ZNF385D: variants seen among roughly 807,000 people sequenced by gnomAD.
ZNF385D encodes the protein zinc finger protein 659.
In ZNF385D, 15 loss-of-function variants were observed where a neutral mutation model predicts 35.8. That is an observed-to-expected ratio of 0.42 (90% CI 0.28 to 0.64). ZNF385D has a LOEUF of 0.64. Ranked by LOEUF, ZNF385D falls within the 30% of genes least tolerant of loss-of-function variation. ZNF385D has a pLI of 0.23. For synonymous variants in ZNF385D, 212 were observed against 186.8 expected (o/e 1.13, Z -1.10); for missense variants, 474 against 494.6 (o/e 0.96, Z 0.39).
At chr3:21,721,736 A>G (rs1255012005) in intron 1 of ZNF385D, among the ~76,000 whole-genome samples, 1 of 152,204 alleles carries the variant, frequency 6.6e-6, no homozygotes, top group Admixed American at 6.5e-5. Context: ...TTTATTTTAT[A>G]AGGATCATCA....
chr3:21,706,885 G>A (rs537075426), intron 1 of ZNF385D, among the ~76,000 whole-genome samples: 1 of 152,236 alleles, frequency 6.6e-6, no homozygotes, highest in South Asian at 2.1e-4. Context: ...TCTAATCACA[G>A]AGACAAATCA....
At chr3:21,532,779 T>C (rs1488480745) in intron 3 of ZNF385D, among the ~76,000 whole-genome samples, 1 of 152,182 alleles carries the variant, frequency 6.6e-6, no homozygotes, top group African/African-American at 2.4e-5. Context: ...ATAGAGTTCA[T>C]TCAGCACTTA....
intron 5 of ZNF385D, among the ~76,000 whole-genome samples, chr3:21,435,439 AT>A (rs957172222): frequency 6.6e-6 from 1 of 151,390 alleles, no homozygotes; most frequent in African/African-American, 2.4e-5. Context: ...TTTTTTCATA[AT>A]TTTTTGTGGA....
chr3:22,132,914 GT>G (rs1379485339), intron 3 of ZNF385D, among the ~76,000 whole-genome samples: 2 of 152,152 alleles, frequency 1.3e-5, no homozygotes, highest in South Asian at 2.1e-4. Flanking sequence ...TGAGTATTCG[GT>G]TAACTTATGA....
rs376668381 is a variant in ZNF385D at position 21,421,271 on chromosome 3, C to G, written c.1131G>C (p.Arg377=). 2 of 1,614,082 alleles carry G rather than the reference C, an allele frequency of 1.2e-6. No individual in the cohort carries two copies. The highest frequency in any genetic ancestry group is 1.7e-6 in the Non-Finnish European group (2 of 1,180,014). The change falls in exon 8 of 8, where the codon CGG becomes CGC. Residue 377 remains arginine (R), a synonymous_variant. Transcript: ENST00000281523. ...CGGTCCGAATGGGTCCAGGAGCTGG[C>G]CGCAGGAGTGCCGGAGGAAGCGCGG... ...QTSALPPALL[R]PAPGPIRTAH...
chr3:21,723,182 CAA>C, intron 1 of ZNF385D, among the ~76,000 whole-genome samples: 1 of 152,262 alleles, frequency 6.6e-6, no homozygotes, highest in African/African-American at 2.4e-5. Flanking sequence ...GATAAATCCA[CAA>C]AGATAGGGAG....
intron 2 of ZNF385D, among the ~76,000 whole-genome samples, chr3:22,180,024 G>A (rs200949766): frequency 3.3e-5 from 5 of 152,030 alleles, no homozygotes; most frequent in Admixed American, 2.6e-4. Context: ...GATCAACAAA[G>A]TTGATAGACC....
At chr3:22,097,204 T>C (rs151050497) in intron 3 of ZNF385D, among the ~76,000 whole-genome samples, 1 of 152,240 alleles carries the variant, frequency 6.6e-6, no homozygotes, top group African/African-American at 2.4e-5. Context: ...TTGGCAAATA[T>C]GATTATTTTT....
chr3:21,652,254 C>G (rs1302392848), intron 2 of ZNF385D, among the ~76,000 whole-genome samples: 1 of 152,002 alleles, frequency 6.6e-6, no homozygotes, highest in Non-Finnish European at 1.5e-5. Flanking sequence ...ACCTTTCTAC[C>G]TGGATATTAT....
Position 21,868,881 on chromosome 3 carries a change from G to C in ZNF385D, c.326-203853C>G, listed in dbSNP as rs1575808164. Among the ~76,000 whole-genome samples, 2 of 151,976 alleles carry C rather than the reference G, an allele frequency of 1.3e-5. 1 individual carries two copies. The highest frequency in any genetic ancestry group is 4.1e-4 in the South Asian group (2 of 4,828). On this transcript the variant is annotated intron_variant, in intron 3 of 5. Transcript: ENST00000494108. ...TTATCCATCTGTTACATGGACACTC[G>C]AGGCAAATTGTGCCTTCCTGAATTA...
At chr3:21,954,456 C>T (rs1380745629) in intron 3 of ZNF385D, among the ~76,000 whole-genome samples, 1 of 151,974 alleles carries the variant, frequency 6.6e-6, no homozygotes, top group Non-Finnish European at 1.5e-5. Flanking sequence ...CTTAGTAACA[C>T]TTAGAATAAC....
chr3:22,158,907 T>G (rs1705767507), intron 3 of ZNF385D, among the ~76,000 whole-genome samples: 1 of 152,054 alleles, frequency 6.6e-6, no homozygotes, highest in Non-Finnish European at 1.5e-5. Context: ...CTCCATTACC[T>G]TGGGAAAATT....
intron 4 of ZNF385D, among the ~76,000 whole-genome samples, chr3:21,507,396 T>G (rs920368052): frequency 1.3e-5 from 2 of 152,180 alleles, no homozygotes; most frequent in Admixed American, 6.5e-5. Context: ...GATTTTTTAA[T>G]TAAAATGATT....
intron 3 of ZNF385D, among the ~76,000 whole-genome samples, chr3:21,769,623 G>C (rs1402645341): frequency 1.8e-5 from 2 of 109,936 alleles, no homozygotes; most frequent in African/African-American, 3.9e-5. Context: ...CATGCTCATG[G>C]ATAGGAAGAA....
At chr3:21,938,553 C>T (rs1162671199) in intron 3 of ZNF385D, among the ~76,000 whole-genome samples, 3 of 152,222 alleles carry the variant, frequency 2.0e-5, no homozygotes, top group Middle Eastern at 3.2e-3. Context: ...CCACTCCCTA[C>T]TGTCTCACAA....
At chr3:22,066,341 G>C (rs981044161) in intron 3 of ZNF385D, among the ~76,000 whole-genome samples, 2 of 130,064 alleles carry the variant, frequency 1.5e-5, no homozygotes, top group Non-Finnish European at 3.2e-5. Flanking sequence ...TTAGTAAAAA[G>C]ATACTGGGCG....
intron 1 of ZNF385D, among the ~76,000 whole-genome samples, chr3:21,744,966 G>A (rs150019470): frequency 2.6e-5 from 4 of 152,220 alleles, no homozygotes; most frequent in East Asian, 3.9e-4. Context: ...TAGGGAATGC[G>A]TGGAGGAAGT....
At chr3:22,251,982 G>A (rs989689381) in intron 2 of ZNF385D, among the ~76,000 whole-genome samples, 1 of 151,980 alleles carries the variant, frequency 6.6e-6, no homozygotes, top group African/African-American at 2.4e-5. Flanking sequence ...TTAGTTTTTG[G>A]CACATATTAA....
chr3:21,975,818 T>TA (rs144901080), intron 3 of ZNF385D, among the ~76,000 whole-genome samples: 19,625 of 141,146 alleles, frequency 0.14, 3,347 homozygotes, highest in African/African-American at 0.4. Context: ...CCCATGAAAA[T>TA]AAAAAAAAAA....
Sources: allele counts gnomAD v4.1 joint callset (sites outside exome capture counted in the v4.1 genomes callset), GRCh38; gene constraint gnomAD v4.1.1; transcripts MANE v1.5; gene names NCBI Gene and HGNC (gene_info 2026-07-23, HGNC 2026-07-21).